The following PPA2 variants were observed in gnomAD, a reference collection of about 807,000 sequenced individuals.
PPA2 encodes the protein inorganic pyrophosphatase 2.
Under a neutral mutation model 49.5 loss-of-function variants are expected in PPA2, and 48 were observed. The ratio of observed to expected loss-of-function variants is 0.97; its 90% CI spans 0.77 to 1.23. PPA2 has a LOEUF of 1.23. Among genes scored for constraint, PPA2 ranks in the 50% most tolerant of loss-of-function variants. The pLI is 0.00. For synonymous variants in PPA2, 131 were observed against 139.9 expected (o/e 0.94, Z 0.45); for missense variants, 429 against 410.1 (o/e 1.05, Z -0.40).
At chr4:105,379,566 C>A (rs765044224) in intron 10 of PPA2, among the ~76,000 whole-genome samples, 1 of 151,494 alleles carries the variant, frequency 6.6e-6, no homozygotes, top group African/African-American at 2.4e-5. Context: ...CAGGTGCAAG[C>A]GATTCTCCTG....
chr4:105,446,210 A>T, intron 5 of PPA2, 173 bp downstream of exon 5: 2 of 592,456 alleles, frequency 3.4e-6, no homozygotes, highest in Non-Finnish European at 2.7e-6. Flanking sequence ...TATATGGTTT[A>T]AAACAAAATT....
At chr4:105,402,030 A>T (rs1362724768) in intron 7 of PPA2, among the ~76,000 whole-genome samples, 2 of 152,200 alleles carry the variant, frequency 1.3e-5, no homozygotes, top group Non-Finnish European at 2.9e-5. Context: ...TGAATTTATG[A>T]GTACAAAAAA....
At position 105,456,696 on chromosome 4, in the gene PPA2, C is replaced by T; in HGVS notation, c.207G>A (p.Lys69=). The T allele has an allele frequency of 6.2e-7, 1 of 1,606,532 alleles. No homozygotes were observed. Among genetic ancestry groups the T allele is most frequent in the Non-Finnish European group, 8.5e-7 (1 of 1,175,186 alleles). ...AAAACAATACCTCTTTAGAGTTCAC[C>T]TTCAGAGGAATATCATGAAAGGGGG... The part of the protein sequence containing the change: ...YISPFHDIPL[K]VNSKEENGIP... The change falls in exon 2 of 12, where the codon AAG becomes AAA. Residue 69 remains lysine, a synonymous_variant. Transcript: ENST00000341695.
At chr4:105,454,299 C>CTGTTGTTGT (rs777684225) in intron 2 of PPA2, among the ~76,000 whole-genome samples, 6 of 101,466 alleles carry the variant, frequency 5.9e-5, no homozygotes, top group Non-Finnish European at 1.2e-4. Context: ...GTTTTTGCTG[C>CTGTTGTTGT]TGCTGTTGTT....
At chr4:105,454,280 ATTAT>A (rs1178520938) in intron 2 of PPA2, among the ~76,000 whole-genome samples, 3 of 148,284 alleles carry the variant, frequency 2.0e-5, no homozygotes, top group African/African-American at 7.6e-5. Context: ...GCTCTGAAAC[ATTAT>A]TTTTGTTTTT....
chr4:105,408,381 A>C (rs1302761576), intron 7 of PPA2, among the ~76,000 whole-genome samples: 1 of 151,898 alleles, frequency 6.6e-6, no homozygotes, highest in Non-Finnish European at 1.5e-5. Flanking sequence ...TTTTTCTGTA[A>C]GCTCTGAGTC....
At chr4:105,456,653 T>A (rs185540206) in intron 2 of PPA2, 28 bp downstream of exon 2, 2 of 1,545,574 alleles carry the variant, frequency 1.3e-6, no homozygotes, top group Non-Finnish European at 1.8e-6. Context: ...GTACACGTTT[T>A]CATTCCCAAA....
chr4:105,453,796 T>G (rs1448065810), intron 2 of PPA2, 154 bp from the exon 3 acceptor site: 2 of 502,726 alleles, frequency 4.0e-6, no homozygotes, highest in East Asian at 6.6e-5. Context: ...GCCCACTTCG[T>G]TCTCCCCTGA....
At chr4:105,447,181 A>C (rs1722424165) in intron 4 of PPA2, among the ~76,000 whole-genome samples, 1 of 152,224 alleles carries the variant, frequency 6.6e-6, no homozygotes, top group South Asian at 2.1e-4. Context: ...AATGTGGTAT[A>C]TATACATAAT....
rs77781699 is a variant in PPA2 at position 105,447,642 on chromosome 4, C to T, written c.322-1140G>A. Among the ~76,000 whole-genome samples, 260 of 151,880 alleles carry T rather than the reference C, an allele frequency of 1.7e-3. 1 individual carries two copies. The highest frequency in any genetic ancestry group is 4.5e-3 in the African/African-American group (188 of 41,428). On this transcript the variant is annotated intron_variant, in intron 4 of 11. Coordinates refer to ENST00000341695, the MANE Select transcript of PPA2 (RefSeq NM_176869.3). ...TCACTTTGTACCCTATAAATATATA[C>T]GATTATAACTTGTCAATATACAATA...
intron 9 of PPA2, among the ~76,000 whole-genome samples, chr4:105,391,246 A>G (rs1465907496): frequency 6.7e-6 from 1 of 149,206 alleles, no homozygotes; most frequent in Admixed American, 6.8e-5. Context: ...CTTAATACCT[A>G]GGTGATGGGT....
At chr4:105,446,314 G>A in intron 5 of PPA2, 69 bp downstream of exon 5, 1 of 1,446,556 alleles carries the variant, frequency 6.9e-7, no homozygotes, top group Non-Finnish European at 9.3e-7. Context: ...AAATTCAGTA[G>A]TTCACAGGAT....
intron 10 of PPA2, among the ~76,000 whole-genome samples, chr4:105,373,054 G>T (rs1733092076): frequency 6.6e-6 from 1 of 152,076 alleles, no homozygotes; most frequent in African/African-American, 2.4e-5. Context: ...GCCCAGGCTG[G>T]TCTTGAACTT....
rs182396177 is a variant in PPA2 at position 105,369,833 on chromosome 4, C to A, written c.977-80G>T. ...GGGAGTGATTAATCAAATTTAATTT[C>A]GACTTTTAGGAAGTATTTAGGCAGA... On this transcript the variant is annotated intron_variant, in intron 11 of 11. Transcript: ENST00000341695. The A allele has an allele frequency of 1.9e-3, 2,562 of 1,338,962 alleles. 8 individuals are homozygous for A. Among genetic ancestry groups the A allele is most frequent in the Non-Finnish European group, 2.4e-3 (2,204 of 932,084 alleles). 82.9% of individuals were successfully genotyped at this position (1,338,962 alleles called of 1,614,324 possible). A position where few individuals can be genotyped will look rare whatever the true frequency, so the allele number is the denominator to read the frequency against.
At chr4:105,413,687 GA>G (rs1722867897) in intron 7 of PPA2, among the ~76,000 whole-genome samples, 1 of 152,106 alleles carries the variant, frequency 6.6e-6, no homozygotes, top group Admixed American at 6.5e-5. Context: ...GGAAGAAAAT[GA>G]CTTTTTCTGT....
At chr4:105,426,203 T>C (rs748357017) in intron 6 of PPA2, among the ~76,000 whole-genome samples, 1 of 152,142 alleles carries the variant, frequency 6.6e-6, no homozygotes, top group Non-Finnish European at 1.5e-5. Context: ...GTTAAAAAAA[T>C]AGGAGGTTGC....
chr4:105,408,072 C>T (rs562492202), intron 7 of PPA2, among the ~76,000 whole-genome samples: 6 of 130,138 alleles, frequency 4.6e-5, no homozygotes, highest in South Asian at 2.6e-4. Flanking sequence ...TCTAGATAGG[C>T]GGGTAGATAA....
At chr4:105,444,060 A>G (rs1724497403) in intron 5 of PPA2, among the ~76,000 whole-genome samples, 1 of 152,254 alleles carries the variant, frequency 6.6e-6, no homozygotes, top group African/African-American at 2.4e-5. Flanking sequence ...TTATCTGACT[A>G]AAATAAAAGC....
chr4:105,410,851 G>A (rs1722720375), intron 7 of PPA2, among the ~76,000 whole-genome samples: 1 of 152,210 alleles, frequency 6.6e-6, no homozygotes, highest in Non-Finnish European at 1.5e-5. Context: ...ATCCTTTACA[G>A]ACAAGCAAAT....
Sources: allele counts gnomAD v4.1 joint callset (sites outside exome capture counted in the v4.1 genomes callset), GRCh38; gene constraint gnomAD v4.1.1; transcripts MANE v1.5; gene names NCBI Gene and HGNC (gene_info 2026-07-23, HGNC 2026-07-21).